The following RBFOX3 variants were observed in gnomAD, a reference collection of about 807,000 sequenced individuals.
RBFOX3 encodes the protein RNA binding fox-1 homolog 3.
A neutral mutation model predicts 48.7 loss-of-function variants in RBFOX3; 17 were observed. The ratio of observed to expected loss-of-function variants is 0.35; its 90% CI spans 0.24 to 0.52. RBFOX3 has a LOEUF of 0.52. Among genes scored for constraint, RBFOX3 ranks in the 20% least tolerant of loss-of-function variants. The pLI is 0.94. For synonymous variants in RBFOX3, 212 were observed against 209.5 expected (o/e 1.01, Z -0.10); for missense variants, 382 against 497.5 (o/e 0.77, Z 2.21).
intron 3 of RBFOX3, among the ~76,000 whole-genome samples, chr17:79,240,824 C>G (rs907040851): frequency 6.6e-6 from 1 of 151,966 alleles, no homozygotes; most frequent in Non-Finnish European, 1.5e-5. Context: ...CCACCACACC[C>G]AGCTAATTTT....
At chr17:79,158,893 T>TG (rs1419906923) in intron 4 of RBFOX3, among the ~76,000 whole-genome samples, 1 of 152,122 alleles carries the variant, frequency 6.6e-6, no homozygotes, top group Non-Finnish European at 1.5e-5. Flanking sequence ...CTCCCAGAGA[T>TG]GGACTCTCAC....
intron 1 of RBFOX3, among the ~76,000 whole-genome samples, chr17:79,586,968 A>G (rs999501146): frequency 6.6e-5 from 10 of 152,234 alleles, no homozygotes; most frequent in Non-Finnish European, 1.2e-4. Context: ...CTTATTTAAA[A>G]TAACTGGGAA....
chr17:79,096,145 T>C (rs2075195203), intron 12 of RBFOX3, among the ~76,000 whole-genome samples: 1 of 152,126 alleles, frequency 6.6e-6, no homozygotes, highest in Non-Finnish European at 1.5e-5. Flanking sequence ...GGTGGCTGGG[T>C]ACATGGGGTG....
chr17:79,329,258 C>G (rs750853001), intron 2 of RBFOX3, among the ~76,000 whole-genome samples: 4 of 152,134 alleles, frequency 2.6e-5, no homozygotes, highest in Non-Finnish European at 4.4e-5. Context: ...AAACAAACTC[C>G]CTTCCCACGC....
At position 79,380,940 on chromosome 17, in the gene RBFOX3, T is replaced by C. The variant is rs142011234; in HGVS notation, c.-174-73116A>G. ...AAATGCAAGGGAGCCACACATATAATTTTATATTTCCCAGTAGTCACATTA... is the reference window on the plus strand; with the variant it reads ...AAATGCAAGGGAGCCACACATATAACTTTATATTTCCCAGTAGTCACATTA... On this transcript the variant is annotated intron_variant, in intron 2 of 14. Transcript: ENST00000693108. Among the ~76,000 whole-genome samples, 884 of 152,296 alleles carry C rather than the reference T, an allele frequency of 5.8e-3. 12 individuals carry two copies. The highest frequency in any genetic ancestry group is 0.02 in the African/African-American group (831 of 41,560).
At chr17:79,373,581 A>C (rs1305439219) in intron 2 of RBFOX3, among the ~76,000 whole-genome samples, 1 of 151,294 alleles carries the variant, frequency 6.6e-6, no homozygotes, top group Non-Finnish European at 1.5e-5. Context: ...CCATCTGAGG[A>C]CTTGACGCCT....
intron 2 of RBFOX3, among the ~76,000 whole-genome samples, chr17:79,315,558 CCAGA>C (rs1316921075): frequency 6.6e-6 from 1 of 152,204 alleles, no homozygotes; most frequent in East Asian, 1.9e-4. Context: ...GCCACTGCGG[CCAGA>C]CAGATGTGCA....
At chr17:79,310,247 C>T (rs1385763546) in intron 2 of RBFOX3, among the ~76,000 whole-genome samples, 1 of 152,140 alleles carries the variant, frequency 6.6e-6, no homozygotes, top group Non-Finnish European at 1.5e-5. Flanking sequence ...GTTTAAAATC[C>T]CTTGAAGCTT....
At chr17:79,425,449 C>T (rs1197459498) in intron 2 of RBFOX3, among the ~76,000 whole-genome samples, 1 of 152,250 alleles carries the variant, frequency 6.6e-6, no homozygotes, top group Non-Finnish European at 1.5e-5. Context: ...AGGAAGGAGG[C>T]ACCTCCCACC....
the RBFOX3 span, among the ~76,000 whole-genome samples, chr17:79,629,717 C>G: frequency 3.3e-5 from 5 of 152,178 alleles, no homozygotes; most frequent in African/African-American, 1.2e-4. Context: ...AATATTTGCA[C>G]CATTGCTCAT....
At chr17:79,537,501 T>G (rs2089008676) in intron 1 of RBFOX3, among the ~76,000 whole-genome samples, 2 of 152,186 alleles carry the variant, frequency 1.3e-5, no homozygotes, top group Non-Finnish European at 2.9e-5. Context: ...CCTGCAACAG[T>G]GGGTGTCCCC....
chr17:79,204,446 C>T lies in RBFOX3; in HGVS notation c.-34+31320G>A, dbSNP rs531552189. 6.6e-6 allele frequency among the ~76,000 whole-genome samples: 1 copy of T among 152,302 alleles called. No homozygotes were observed. The highest frequency in any genetic ancestry group is 6.5e-5 in the Admixed American group (1 of 15,306). ...TCAGGGCTTAATATCCTGGAAAGGA[C>T]ACGCGTACCAGTCCAGTGAACAGCT... On this transcript the variant is annotated intron_variant, in intron 4 of 14. Transcript: ENST00000693108. The surrounding 1 kb of genome is among the most constrained non-coding windows in gnomAD (Gnocchi z 4.5).
At chr17:79,306,900 C>A (rs1224737695) in intron 3 of RBFOX3, among the ~76,000 whole-genome samples, 1 of 152,220 alleles carries the variant, frequency 6.6e-6, no homozygotes, top group Non-Finnish European at 1.5e-5. Flanking sequence ...GAAAAGGGAA[C>A]CCCTCTCCTG....
intron 1 of RBFOX3, among the ~76,000 whole-genome samples, chr17:79,500,618 A>G (rs2082262971): frequency 6.6e-6 from 1 of 152,196 alleles, no homozygotes; most frequent in Non-Finnish European, 1.5e-5. Flanking sequence ...GCTAACTGGT[A>G]TACCTTCCCC....
chr17:79,265,868 G>A (rs1484599215), intron 3 of RBFOX3, among the ~76,000 whole-genome samples: 1 of 152,212 alleles, frequency 6.6e-6, no homozygotes, highest in Non-Finnish European at 1.5e-5. Flanking sequence ...CTTTGGACAG[G>A]TGGCTCAGAA....
chr17:79,554,623 C>A (rs1348591248), intron 1 of RBFOX3, among the ~76,000 whole-genome samples: 1 of 152,246 alleles, frequency 6.6e-6, no homozygotes, highest in African/African-American at 2.4e-5. Context: ...GAGGTGGGGA[C>A]CACGTCCTGC....
chr17:79,542,098 C>T (rs951382180), intron 1 of RBFOX3, among the ~76,000 whole-genome samples: 20 of 150,410 alleles, frequency 1.3e-4, no homozygotes, highest in Admixed American at 7.3e-4. Context: ...ATGTGAGAGG[C>T]GTTTTATAAG....
intron 4 of RBFOX3, among the ~76,000 whole-genome samples, chr17:79,159,359 A>ATGCC (rs1292007530): frequency 1.3e-5 from 2 of 152,106 alleles, no homozygotes; most frequent in Non-Finnish European, 2.9e-5. Context: ...GCTCAGGGGC[A>ATGCC]TGCCTGCCTG....
At chr17:79,227,667 T>C (rs1023775079) in intron 4 of RBFOX3, among the ~76,000 whole-genome samples, 2 of 152,144 alleles carry the variant, frequency 1.3e-5, no homozygotes, top group African/African-American at 4.8e-5. Flanking sequence ...GCACATGTGA[T>C]GGCCAAGAGG....
Sources: allele counts gnomAD v4.1 joint callset (sites outside exome capture counted in the v4.1 genomes callset), GRCh38; gene constraint gnomAD v4.1.1; non-coding constraint Gnocchi (gnomAD v3.1); transcripts MANE v1.5; gene names NCBI Gene and HGNC (gene_info 2026-07-23, HGNC 2026-07-21).